TAFA2: variants seen among roughly 807,000 people sequenced by gnomAD.
TAFA2 encodes the protein TAFA chemokine like family member 2.
TAFA2 carries 7 observed loss-of-function variants against 18.8 expected under a neutral mutation model. The ratio of observed to expected loss-of-function variants is 0.37; its 90% confidence interval spans 0.21 to 0.70. The LOEUF (loss-of-function observed/expected upper bound fraction) is 0.70, where lower values mean the gene tolerates loss of function less well. TAFA2 is among the 30% of genes least tolerant of loss of function. TAFA2 has a pLI of 0.53. For synonymous variants in TAFA2, 60 were observed against 54.2 expected (o/e 1.11, Z -0.47); for missense variants, 122 against 158.1 (o/e 0.77, Z 1.23).
chr12:62,149,718 T>C (rs2062314610), intron 1 of TAFA2, among the ~76,000 whole-genome samples: 1 of 152,078 alleles, frequency 6.6e-6, no homozygotes, highest in Non-Finnish European at 1.5e-5. Flanking sequence ...ATAAGCATCA[T>C]TTTTAAGGTT....
At chr12:62,142,828 T>A (rs770023760) in intron 1 of TAFA2, among the ~76,000 whole-genome samples, 2 of 152,230 alleles carry the variant, frequency 1.3e-5, no homozygotes, top group Non-Finnish European at 2.9e-5. Flanking sequence ...TAATGTTTAA[T>A]ATTTACTGGA....
chr12:62,199,574 G>T (rs950170042), intron 1 of TAFA2, among the ~76,000 whole-genome samples: 1 of 150,966 alleles, frequency 6.6e-6, no homozygotes, highest in Admixed American at 6.6e-5. Flanking sequence ...ATTCCATGGT[G>T]TGTGTGTGTG....
At chr12:61,847,760 C>G (rs1247772460) in intron 2 of TAFA2, among the ~76,000 whole-genome samples, 1 of 152,176 alleles carries the variant, frequency 6.6e-6, no homozygotes, top group Non-Finnish European at 1.5e-5. Context: ...AGTGTTAGAG[C>G]TGCGTGTCTT....
chr12:62,203,531 T>C (rs2062680172), intron 1 of TAFA2, among the ~76,000 whole-genome samples: 2 of 152,224 alleles, frequency 1.3e-5, no homozygotes, highest in Non-Finnish European at 2.9e-5. Context: ...CTGTATTGGG[T>C]GCCTATATAT....
chr12:61,864,052 C>CAATAAA (rs1420296683), intron 2 of TAFA2, among the ~76,000 whole-genome samples: 171 of 152,258 alleles, frequency 1.1e-3, no homozygotes, highest in African/African-American at 3.9e-3. Flanking sequence ...TCTCATTCTC[C>CAATAAA]TGAGAGCACT....
At chr12:61,885,596 C>T (rs970447184) in intron 1 of TAFA2, among the ~76,000 whole-genome samples, 1 of 152,182 alleles carries the variant, frequency 6.6e-6, no homozygotes, top group Non-Finnish European at 1.5e-5. Context: ...CTCAGTTCAC[C>T]TTTGCTGTTT....
intron 1 of TAFA2, among the ~76,000 whole-genome samples, chr12:62,200,042 T>A (rs779468724): frequency 6.6e-6 from 1 of 152,226 alleles, no homozygotes; most frequent in Non-Finnish European, 1.5e-5. Flanking sequence ...GTTAGTTGCA[T>A]ATATGTCTTC....
chr12:62,225,079 G>T (rs1053754232), intron 1 of TAFA2, among the ~76,000 whole-genome samples: 1 of 151,968 alleles, frequency 6.6e-6, no homozygotes, highest in Admixed American at 6.6e-5. Flanking sequence ...GGGCGACAGA[G>T]TGAGACTCCG....
At chr12:61,895,987 T>C (rs1398301549) in intron 1 of TAFA2, among the ~76,000 whole-genome samples, 3 of 151,358 alleles carry the variant, frequency 2.0e-5, no homozygotes, top group Non-Finnish European at 4.4e-5. Flanking sequence ...TTCATGAAAC[T>C]ACAAATCCAT....
intron 4 of TAFA2, among the ~76,000 whole-genome samples, chr12:61,734,651 T>A (rs1397747004): frequency 1.3e-5 from 2 of 152,102 alleles, no homozygotes; most frequent in East Asian, 3.9e-4. Flanking sequence ...TCAGTTAGGC[T>A]CTTCCTAGTC....
intron 1 of TAFA2, among the ~76,000 whole-genome samples, chr12:62,221,559 T>C (rs976287788): frequency 6.6e-6 from 1 of 152,128 alleles, no homozygotes; most frequent in African/African-American, 2.4e-5. Context: ...TATTCATATA[T>C]GAATACTTAA....
chr12:61,993,871 A>C (rs1398914580), intron 1 of TAFA2, among the ~76,000 whole-genome samples: 3 of 152,090 alleles, frequency 2.0e-5, no homozygotes, highest in Non-Finnish European at 4.4e-5. Flanking sequence ...TGAAAGATTC[A>C]TGTTCCTTAA....
intron 1 of TAFA2, among the ~76,000 whole-genome samples, chr12:62,122,528 T>G (rs1168686894): frequency 2.6e-5 from 4 of 152,190 alleles, no homozygotes; most frequent in Non-Finnish European, 5.9e-5. Flanking sequence ...ACTATCATTA[T>G]CGTGTGGTTT....
intron 2 of TAFA2, among the ~76,000 whole-genome samples, chr12:61,760,030 G>A (rs577202745): frequency 1.3e-3 from 197 of 151,228 alleles, no homozygotes; most frequent in Admixed American, 3.2e-3. Flanking sequence ...TGACCAGGAA[G>A]GGACAAATGG....
At chr12:62,246,760 TTTGA>T (rs1434204003) in intron 1 of TAFA2, among the ~76,000 whole-genome samples, 1 of 152,206 alleles carries the variant, frequency 6.6e-6, no homozygotes, top group Non-Finnish European at 1.5e-5. Flanking sequence ...ATTATTGATA[TTTGA>T]TTGATAGCAG....
At chr12:62,025,527 A>T (rs958548816) in intron 1 of TAFA2, among the ~76,000 whole-genome samples, 6 of 152,162 alleles carry the variant, frequency 3.9e-5, no homozygotes, top group African/African-American at 1.2e-4. Flanking sequence ...TAGGAAATAG[A>T]TTTTTTAAAT....
chr12:61,898,399 T>G (rs1391745302), intron 1 of TAFA2, among the ~76,000 whole-genome samples: 1 of 152,024 alleles, frequency 6.6e-6, no homozygotes, highest in Non-Finnish European at 1.5e-5. Flanking sequence ...CTAGCAGAGG[T>G]TCTCCATGAG....
At chr12:62,155,934 A>T (rs2062366387) in intron 1 of TAFA2, among the ~76,000 whole-genome samples, 1 of 152,212 alleles carries the variant, frequency 6.6e-6, no homozygotes, top group South Asian at 2.1e-4. Flanking sequence ...AAAACCAAAG[A>T]TAAATAATTG....
At chr12:62,085,888 A>T (rs1868429891) in intron 1 of TAFA2, among the ~76,000 whole-genome samples, 1 of 152,090 alleles carries the variant, frequency 6.6e-6, no homozygotes, top group Non-Finnish European at 1.5e-5. Flanking sequence ...GATTTTTCCC[A>T]TGCTGTTCTT....
Sources: allele counts gnomAD v4.1 joint callset (sites outside exome capture counted in the v4.1 genomes callset), GRCh38; gene constraint gnomAD v4.1.1; transcripts MANE v1.5; gene names NCBI Gene and HGNC (gene_info 2026-07-23, HGNC 2026-07-21).